The following TIAM1 variants were observed in gnomAD, a reference collection of about 807,000 sequenced individuals.
The protein encoded by TIAM1 is rho guanine nucleotide exchange factor TIAM1.
TIAM1 carries 65 observed loss-of-function variants against 163.5 expected under a neutral mutation model. The ratio of observed to expected loss-of-function variants is 0.40; its 90% CI spans 0.33 to 0.49. The LOEUF is 0.49. Among genes scored for constraint, TIAM1 ranks in the 20% least tolerant of loss-of-function variants. The pLI is 0.77. For synonymous variants in TIAM1, 833 were observed against 810.1 expected (o/e 1.03, Z -0.48); for missense variants, 1,789 against 2,044.7 (o/e 0.87, Z 2.41).
chr21:31,444,283 T>A (rs1470020638), intron 2 of TIAM1, among the ~76,000 whole-genome samples: 1 of 152,066 alleles, frequency 6.6e-6, no homozygotes, highest in Admixed American at 6.6e-5. Context: ...TGGCGCTGAG[T>A]CAGCCTGCAA....
chr21:31,528,984 C>T (rs1412981014), intron 1 of TIAM1, among the ~76,000 whole-genome samples: 13 of 145,806 alleles, frequency 8.9e-5, no homozygotes, highest in East Asian at 2.1e-4. Context: ...TGCAGTGGCG[C>T]GATCTCAGCT....
intron 1 of TIAM1, among the ~76,000 whole-genome samples, chr21:31,539,326 C>A (rs1417370726): frequency 2.0e-5 from 3 of 149,556 alleles, no homozygotes; most frequent in African/African-American, 7.6e-5. Context: ...AGTGCAGTGG[C>A]ACGATCTCGG....
At chr21:31,215,018 C>T (rs1173606334) in intron 9 of TIAM1, among the ~76,000 whole-genome samples, 1 of 152,082 alleles carries the variant, frequency 6.6e-6, no homozygotes, top group African/African-American at 2.4e-5. Context: ...TTCTTAAAAA[C>T]TCATACTTTT....
chr21:31,531,318 A>G lies in TIAM1; in HGVS notation c.-422+27609T>C, dbSNP rs1321977690. The stretch of plus-strand genomic sequence containing the variant: ...CCAACTGTAGGGTTGGCCCAGGTCC[A>G]AGGCAGGTCTATGCTGTGAGCCAGC... On this transcript the variant is annotated intron_variant, in intron 1 of 28. Coordinates refer to the TIAM1 transcript ENST00000286827. 3.9e-5 allele frequency among the ~76,000 whole-genome samples: 6 copies of G among 152,306 alleles called. No individual in the cohort carries two copies. In the East Asian group the frequency reaches 1.2e-3, roughly 29 times the overall value.
intron 2 of TIAM1, among the ~76,000 whole-genome samples, chr21:31,337,116 G>C (rs2075865407): frequency 6.6e-6 from 1 of 152,160 alleles, no homozygotes. Flanking sequence ...CTTTGAATAG[G>C]TTACTTAGGC....
chr21:31,420,909 G>C (rs1313549946), intron 2 of TIAM1, among the ~76,000 whole-genome samples: 1 of 152,122 alleles, frequency 6.6e-6, no homozygotes, highest in African/African-American at 2.4e-5. Flanking sequence ...ACCACCTGAG[G>C]TCAGGAGTTC....
chr21:31,251,592 C>T, intron 5 of TIAM1, 150 bp downstream of exon 5: 2 of 817,182 alleles, frequency 2.4e-6, no homozygotes, highest in Non-Finnish European at 1.9e-6. Context: ...ATGCGAAGTG[C>T]TCTTACTATG....
At position 31,252,160 on chromosome 21, in the gene TIAM1, A is replaced by G. The variant is rs1239334618; in HGVS notation, c.993T>C (p.Phe331=). The part of the protein sequence containing the change: ...QDVNAGEGSE[F]ADSGIEGATT... ...TGGCCCCTTCAATCCCACTGTCTGC[A>G]AACTCACTGCCCTCGCCTGCATTAA... is the stretch of plus-strand genomic sequence containing the variant. The change falls in exon 5 of 28, where the codon TTT becomes TTC. Residue 331 remains phenylalanine, a synonymous_variant. Transcript: ENST00000541036. The G allele has an allele frequency of 1.9e-6, 3 of 1,609,116 alleles. No individual in the cohort carries two copies. In the South Asian group the frequency reaches 3.3e-5, roughly 18 times the overall value.
intron 1 of TIAM1, among the ~76,000 whole-genome samples, chr21:31,495,801 G>A (rs953519648): frequency 2.6e-5 from 4 of 152,068 alleles, no homozygotes; most frequent in African/African-American, 7.2e-5. Flanking sequence ...GTGAAACCCC[G>A]TCTCTACTAA....
intron 2 of TIAM1, among the ~76,000 whole-genome samples, chr21:31,463,723 C>G (rs2045418814): frequency 6.7e-6 from 1 of 150,112 alleles, no homozygotes; most frequent in Non-Finnish European, 1.5e-5. Context: ...GAGGCCGAGG[C>G]AGGGGAATGG....
intron 2 of TIAM1, among the ~76,000 whole-genome samples, chr21:31,309,588 A>G (rs559810607): frequency 9.2e-5 from 14 of 152,354 alleles, no homozygotes; most frequent in African/African-American, 3.4e-4. Flanking sequence ...AGAATTCTAG[A>G]GTCCTAGACC....
intron 20 of TIAM1, among the ~76,000 whole-genome samples, chr21:31,144,849 A>G (rs978101077): frequency 4.8e-5 from 7 of 145,026 alleles, no homozygotes; most frequent in Admixed American, 6.8e-5. Context: ...AAAAAAAAAA[A>G]AAAGAAAAGA....
chr21:31,516,825 G>A (rs962845057), intron 1 of TIAM1, among the ~76,000 whole-genome samples: 3 of 151,844 alleles, frequency 2.0e-5, no homozygotes, highest in Non-Finnish European at 2.9e-5. Context: ...GGAGGCCGAG[G>A]CAGATCACGA....
chr21:31,515,296 C>T (rs1376756819), intron 1 of TIAM1, among the ~76,000 whole-genome samples: 1 of 152,102 alleles, frequency 6.6e-6, no homozygotes, highest in Non-Finnish European at 1.5e-5. Flanking sequence ...TATCCTCCAT[C>T]CTATTGCACA....
chr21:31,192,589 C>T (rs984817804), intron 13 of TIAM1, among the ~76,000 whole-genome samples: 3 of 151,086 alleles, frequency 2.0e-5, no homozygotes, highest in African/African-American at 7.3e-5. Flanking sequence ...TCAGCCTGGG[C>T]GACAGAGGGA....
chr21:31,323,788 G>A (rs541840687), intron 2 of TIAM1, among the ~76,000 whole-genome samples: 2 of 152,158 alleles, frequency 1.3e-5, no homozygotes, highest in African/African-American at 4.8e-5. Flanking sequence ...CCGGGATCGC[G>A]CCATTGCACT....
rs566465592 is a variant in TIAM1, at chr21:31,430,124, T to C, written c.-369+33859A>G. 4.1e-3 allele frequency among the ~76,000 whole-genome samples: 623 copies of C among 151,168 alleles called. 2 individuals carry two copies. Among genetic ancestry groups the C allele is most frequent in the African/African-American group, 7.8e-3 (323 of 41,166 alleles). ...CGGAGGCTGAGGCAGGAGAATCGCT[T>C]GAACCCGGGAGATGGAGGTTGCAGT... On this transcript the variant is annotated intron_variant, in intron 2 of 28. Transcript: ENST00000286827.
chr21:31,559,013 C>CGCGGAGCT (rs1302988790), upstream of TIAM1: 2 of 151,832 alleles, frequency 1.3e-5, no homozygotes, highest in South Asian at 2.1e-4. Context: ...CCAAGGCGTC[C>CGCGGAGCT]GCGGAGCTGC....
chr21:31,322,444 T>TG (rs2075346351), intron 2 of TIAM1, among the ~76,000 whole-genome samples: 1 of 74,832 alleles, frequency 1.3e-5, no homozygotes, highest in Non-Finnish European at 3.1e-5. Context: ...GATACCTCTA[T>TG]GGGTGGGGGG....
Sources: gnomAD v4.1 joint callset for allele counts (sites outside exome capture counted in the v4.1 genomes callset) on GRCh38, gnomAD v4.1.1 for gene constraint, MANE v1.5 for transcripts, NCBI Gene and HGNC (gene_info 2026-07-23, HGNC 2026-07-21) for gene names.